Variants in MPDZ observed in about 807,000 individuals in gnomAD.
MPDZ encodes the protein multiple PDZ domain crumbs cell polarity complex component.
A neutral mutation model predicts 239.1 loss-of-function variants in MPDZ; 234 were observed. That is an observed-to-expected ratio of 0.98 (90% confidence interval 0.88 to 1.09). The LOEUF is 1.09. Among genes scored for constraint, MPDZ ranks in the 50% least tolerant of loss-of-function variants. The probability of loss-of-function intolerance (pLI) is 0.00; values close to 1 mark genes in which losing one functional copy is unlikely to be tolerated. For missense variants in MPDZ, 3,175 were observed against 2,510.0 expected (o/e 1.26, Z -5.66); for synonymous variants, 1,048 against 881.3 (o/e 1.19, Z -3.35).
intron 3 of MPDZ, among the ~76,000 whole-genome samples, chr9:13,226,251 A>G (rs1471296217): frequency 1.3e-5 from 2 of 152,170 alleles, no homozygotes; most frequent in East Asian, 3.9e-4. Flanking sequence ...ACTTTGGGAA[A>G]TGATTCTATA....
chr9:13,218,868 C>T (rs1391605987), intron 8 of MPDZ, among the ~76,000 whole-genome samples: 3 of 151,624 alleles, frequency 2.0e-5, no homozygotes, highest in Admixed American at 1.3e-4. Flanking sequence ...GCTGAGATAC[C>T]CACTACTTTC....
intron 21 of MPDZ, among the ~76,000 whole-genome samples, chr9:13,170,004 C>A (rs909805841): frequency 1.2e-4 from 18 of 152,028 alleles, no homozygotes; most frequent in Admixed American, 9.8e-4. Context: ...TCATTCTATT[C>A]GTTGAAAAAT....
intron 3 of MPDZ, among the ~76,000 whole-genome samples, chr9:13,236,748 A>C (rs7043857): frequency 1.3e-5 from 2 of 151,800 alleles, no homozygotes; most frequent in African/African-American, 4.8e-5. Context: ...CTTGAAGTTA[A>C]AACATAGTTT....
intron 22 of MPDZ, chr9:13,165,514 G>T: frequency 2.2e-6 from 3 of 1,383,052 alleles, no homozygotes; most frequent in South Asian, 1.4e-5. Flanking sequence ...AAAAGTGGGT[G>T]CTCCTGGTTG....
intron 3 of MPDZ, among the ~76,000 whole-genome samples, chr9:13,229,642 A>G (rs1195556739): frequency 3.3e-5 from 5 of 151,870 alleles, no homozygotes; most frequent in African/African-American, 1.2e-4. Context: ...TTAGATTTGT[A>G]TAAAAGAAAT....
intron 11 of MPDZ, among the ~76,000 whole-genome samples, chr9:13,205,516 AGGCTGG>A (rs1956887757): frequency 6.6e-6 from 1 of 152,204 alleles, no homozygotes; most frequent in Admixed American, 6.6e-5. Context: ...CTTCAAGGAA[AGGCTGG>A]GCATTTAGAA....
intron 17 of MPDZ, among the ~76,000 whole-genome samples, chr9:13,187,730 G>A (rs563297241): frequency 6.1e-5 from 5 of 82,484 alleles, no homozygotes; most frequent in Admixed American, 1.3e-4. Context: ...TGCTACTTAC[G>A]AAATTATATT....
At chr9:13,231,675 T>G (rs1376756622) in intron 3 of MPDZ, among the ~76,000 whole-genome samples, 1 of 150,562 alleles carries the variant, frequency 6.6e-6, no homozygotes, top group African/African-American at 2.4e-5. Context: ...TGGTAAATTC[T>G]TCCCATTTTT....
At chr9:13,261,242 AAG>A (rs1385126906) in intron 1 of MPDZ, among the ~76,000 whole-genome samples, 1 of 152,326 alleles carries the variant, frequency 6.6e-6, no homozygotes, top group East Asian at 1.9e-4. Context: ...AGCCGACATT[AAG>A]AGAGGCAGGC....
chr9:13,143,746 GAATCT>G (rs1459140578), intron 26 of MPDZ, among the ~76,000 whole-genome samples, 182 bp from the exon 27 acceptor site: 1 of 151,676 alleles, frequency 6.6e-6, no homozygotes, highest in Admixed American at 6.6e-5. Context: ...CTAATGACCT[GAATCT>G]ATACCTGAGT....
intron 24 of MPDZ, among the ~76,000 whole-genome samples, chr9:13,151,379 G>A (rs1239750719): frequency 6.6e-6 from 1 of 152,058 alleles, no homozygotes; most frequent in African/African-American, 2.4e-5. Context: ...CAATAGTCAA[G>A]AGGTAGAAGC....
chr9:13,133,940 G>A, intron 31 of MPDZ, 36 bp from the exon 32 acceptor site: 1 of 1,222,078 alleles, frequency 8.2e-7, no homozygotes, highest in South Asian at 2.2e-5. Flanking sequence ...AAGAGCAACT[G>A]AGTGTTAGGA....
chr9:13,276,865 G>A (rs999977177), intron 1 of MPDZ: 2 of 152,152 alleles, frequency 1.3e-5, no homozygotes, highest in Admixed American at 6.5e-5. Flanking sequence ...GCAATTCATT[G>A]TTCCTCTCCA....
intron 22 of MPDZ, chr9:13,165,385 T>G: frequency 6.5e-7 from 1 of 1,549,612 alleles, no homozygotes. Flanking sequence ...GGGGGCTCGA[T>G]CGTCAGCAGG....
intron 12 of MPDZ, among the ~76,000 whole-genome samples, chr9:13,200,966 GA>G (rs1956316378): frequency 6.6e-6 from 1 of 151,970 alleles, no homozygotes; most frequent in South Asian, 2.1e-4. Context: ...TTTTACTGTT[GA>G]TTTTCTGTCT....
intron 40 of MPDZ, 70 bp from the exon 41 acceptor site, chr9:13,114,091 G>A (rs554435796): frequency 3.4e-6 from 4 of 1,187,516 alleles, no homozygotes; most frequent in East Asian, 5.2e-5. Context: ...ACTTATTTCA[G>A]AATTTAATCT....
intron 22 of MPDZ, among the ~76,000 whole-genome samples, chr9:13,168,134 T>A (rs893306302): frequency 8.5e-5 from 13 of 152,080 alleles, no homozygotes; most frequent in African/African-American, 3.1e-4. Flanking sequence ...ACTGGAGAAG[T>A]ATAATTAAAA....
At chr9:13,189,134 T>C (rs1954555774) in intron 16 of MPDZ, 141 bp from the exon 17 acceptor site, 1 of 711,432 alleles carries the variant, frequency 1.4e-6, no homozygotes, top group Admixed American at 2.9e-5. Flanking sequence ...CCATACAAAA[T>C]TTCTAATTAT....
At chr9:13,240,177 C>T (rs1266004635) in intron 3 of MPDZ, among the ~76,000 whole-genome samples, 1 of 151,914 alleles carries the variant, frequency 6.6e-6, no homozygotes, top group Non-Finnish European at 1.5e-5. Flanking sequence ...GACAAACTGA[C>T]TCACTGTTCA....
Sources: gnomAD v4.1 joint callset for allele counts (sites outside exome capture counted in the v4.1 genomes callset) on GRCh38, gnomAD v4.1.1 for gene constraint, MANE v1.5 for transcripts, NCBI Gene and HGNC (gene_info 2026-07-23, HGNC 2026-07-21) for gene names.